Variants in PLIN4 observed in about 807,000 individuals in gnomAD.
PLIN4 encodes the protein perilipin 4.
In PLIN4, 57 loss-of-function variants were observed where a neutral mutation model predicts 52.4. The observed-to-expected ratio is 1.09, with a 90% CI of 0.88 to 1.36. PLIN4 has a LOEUF of 1.36. Among genes scored for constraint, PLIN4 ranks in the 40% most tolerant of loss-of-function variants. PLIN4 has a pLI of 0.00. For synonymous variants in PLIN4, 826 were observed against 785.4 expected, an observed-to-expected ratio of 1.05 and a Z score of -0.86; for missense variants, 1,757 against 1,770.3, an observed-to-expected ratio of 0.99 and a Z score of 0.13.
chr19:4,510,364 TCAAAAAAAAAAA>T (rs1976252129), intron 5 of PLIN4, 70 bp downstream of exon 5: 2 of 1,156,522 alleles, frequency 1.7e-6, no homozygotes, highest in Non-Finnish European at 2.2e-6. Context: ...CGACTCTGTC[TCAAAAAAAAAAA>T]CAAAACAGTC....
rs1239111742 is a variant in PLIN4, at chr19:4,508,727, A to C, written c.3702+41T>G. On this transcript the variant is annotated intron_variant, in intron 6 of 7. Coordinates refer to ENST00000301286, the MANE Select transcript of PLIN4 (RefSeq NM_001367868.2). ...TGAGTCCTGGGCAGGGGTTCTAAGA[A>C]GTGCCCTGGGGACGGGGCAGCAGCA... is the stretch of plus-strand genomic sequence containing the variant. The C allele has an allele frequency of 2.0e-6, 3 of 1,530,990 alleles. No homozygotes were observed. The Admixed American group carries it at 6.1e-5, about 31-fold the overall frequency. The allele number at this position is 1,530,990 out of a possible 1,614,324, so 94.8% of individuals were successfully genotyped here.
Position 4,502,387 on chromosome 19 carries a change from AGCTGGGCGGGAGC to A in PLIN4, c.*2059_*2071del, listed in dbSNP as rs1228000014. ...AACCCTGAAAGGCCAGTGGCAGGAG[AGCTGGGCGGGAGC>A]AAGCTCTTCCCAGGAGACAAGAGGG... On this transcript the variant is annotated 3_prime_UTR_variant, in exon 8 of 8. Coordinates refer to ENST00000301286, the MANE Select transcript of PLIN4 (RefSeq NM_001367868.2). The A allele has an allele frequency of 5.7e-6, 2 of 352,908 alleles. No individual in the cohort carries two copies. Among genetic ancestry groups the A allele is most frequent in the African/African-American group, 2.2e-5 (1 of 45,744 alleles). The allele number at this position is 352,908 out of a possible 1,614,324, so 21.9% of individuals were successfully genotyped here. A position where few individuals can be genotyped will look rare whatever the true frequency, so the allele number is the denominator to read the frequency against.
intron 3 of PLIN4, among the ~76,000 whole-genome samples, chr19:4,517,329 G>A (rs1216269868): frequency 2.7e-5 from 4 of 149,162 alleles, no homozygotes; most frequent in African/African-American, 9.9e-5. Flanking sequence ...GAGTGGGGGG[G>A]CATTGCAGGG....
At chr19:4,516,457 C>T (rs1195598196) in intron 4 of PLIN4, among the ~76,000 whole-genome samples, 160 bp downstream of exon 4, 1 of 152,186 alleles carries the variant, frequency 6.6e-6, no homozygotes, top group African/African-American at 2.4e-5. Flanking sequence ...GATCCCCAGG[C>T]TGTCTGCCTT....
In PLIN4 at chr19:4,503,056, C is replaced by T. The variant is rs1234585086; in HGVS notation, c.*1403G>A. On this transcript the variant is annotated 3_prime_UTR_variant, in exon 8 of 8. Transcript: ENST00000301286. Reference sequence around the variant, plus strand: ...AGGCTTGGGAAGGCTCCTGACCCGTCCCCTCTCACGGCCCGTCACCTGAGG... The same window carrying T: ...AGGCTTGGGAAGGCTCCTGACCCGTTCCCTCTCACGGCCCGTCACCTGAGG... 2 of 152,222 alleles carry T rather than the reference C, an allele frequency of 1.3e-5. No individual in the cohort carries two copies. Among genetic ancestry groups the T allele is most frequent in the Non-Finnish European group, 2.9e-5 (2 of 68,078 alleles). 9.4% of individuals were successfully genotyped at this position (152,222 alleles called of 1,614,324 possible). A position where few individuals can be genotyped will look rare whatever the true frequency, so the allele number is the denominator to read the frequency against.
In PLIN4 at chr19:4,504,674, G is replaced by T; in HGVS notation, c.3901C>A (p.Pro1301Thr). Residue 1301 changes from proline to threonine, a missense_variant, in exon 8 of 8, where the codon CCA (proline) becomes ACA (threonine). Coordinates refer to ENST00000301286, the MANE Select transcript of PLIN4 (RefSeq NM_001367868.2). ...LQGLPAELQQ[P>T]VGRARHSLCE... ...AGGCTGTGCCGCGCCCGCCCCACTG[G>T]CTGCTGGAGCTCGGCGGGCAGGCCC... 6.2e-7 allele frequency: 1 copy of T among 1,602,730 alleles called. No individual in the cohort carries two copies. The highest frequency in any genetic ancestry group is 1.7e-5 in the Admixed American group (1 of 59,530).
chr19:4,506,776 CT>C (rs1199842715), intron 6 of PLIN4, among the ~76,000 whole-genome samples: 2 of 152,276 alleles, frequency 1.3e-5, no homozygotes. Context: ...TGATCAGCCG[CT>C]TGCAGCGTGC....
Position 4,510,690 on chromosome 19 carries a change from A to G in PLIN4, c.3270T>C (p.Ser1090=), listed in dbSNP as rs1282476548. The G allele has an allele frequency of 6.6e-7, 1 of 1,521,420 alleles. No homozygotes were observed. Among genetic ancestry groups the G allele is most frequent in the Admixed American group, 2.2e-5 (1 of 45,930 alleles). The allele number at this position is 1,521,420 out of a possible 1,614,324, so 94.2% of individuals were successfully genotyped here. The part of the protein sequence containing the change: ...TALSPQEAPF[S]GISTPPDVLS... The stretch of plus-strand genomic sequence containing the variant: ...GCACATCCGGGGGCGTGGAGATGCC[A>G]GAGAACGGGGCCTCTTGGGGGCTCA... Residue 1090 remains serine, a synonymous_variant, in exon 5 of 8, where the codon TCT becomes TCC. Coordinates refer to ENST00000301286, the MANE Select transcript of PLIN4 (RefSeq NM_001367868.2).
At chr19:4,516,540 C>T (rs1324488684) in intron 4 of PLIN4, 77 bp downstream of exon 4, 2 of 1,494,984 alleles carry the variant, frequency 1.3e-6, no homozygotes, top group South Asian at 1.2e-5. Flanking sequence ...CCCCAGATAG[C>T]AGGAACTGAA....
intron 5 of PLIN4, 80 bp from the exon 6 acceptor site, chr19:4,509,035 C>T (rs548353357): frequency 4.5e-5 from 63 of 1,389,954 alleles, no homozygotes; most frequent in Admixed American, 3.7e-4. Context: ...GAGGGCCGGG[C>T]GCGGCGGTTC....
chr19:4,512,462 C>A lies in PLIN4; in HGVS notation c.1498G>T (p.Asp500Tyr). The A allele has an allele frequency of 6.2e-7, 1 of 1,610,918 alleles. No homozygotes were observed. Among genetic ancestry groups the A allele is most frequent in the South Asian group, 1.1e-5 (1 of 90,768 alleles). ...CCTGTGAGCCCAGTGGACACAGCATCTTTAGTGCCAGTCAGGACAGACTTT... is the reference window on the plus strand; with the variant it reads ...CCTGTGAGCCCAGTGGACACAGCATATTTAGTGCCAGTCAGGACAGACTTT... ...TTKSVLTGTKDAVSTGLTGAV... is the reference protein window; with the variant it reads ...TTKSVLTGTKYAVSTGLTGAV... Residue 500 changes from aspartate (D) to tyrosine (Y), a missense_variant, in exon 5 of 8, where the codon GAT (aspartate) becomes TAT (tyrosine). Asp to Tyr is a radical substitution (Grantham distance 160). Transcript: ENST00000301286.
chr19:4,504,974 G>C, intron 6 of PLIN4, 27 bp from the exon 7 acceptor site: 3 of 1,574,432 alleles, frequency 1.9e-6, no homozygotes, highest in Non-Finnish European at 2.6e-6. Flanking sequence ...GTGGGGAAAT[G>C]ATGGCTTCTT....
chr19:4,514,651 C>T (rs375975330), intron 4 of PLIN4, among the ~76,000 whole-genome samples: 9 of 151,642 alleles, frequency 5.9e-5, no homozygotes, highest in Admixed American at 1.3e-4. Flanking sequence ...GGCATGAACC[C>T]GGGAAGGCGG....
At chr19:4,514,871 C>A (rs996432635) in intron 4 of PLIN4, among the ~76,000 whole-genome samples, 1 of 150,222 alleles carries the variant, frequency 6.7e-6, no homozygotes, top group Non-Finnish European at 1.5e-5. Context: ...AACGGTGAGA[C>A]CCCATCTTTA....
rs1568232899 is a variant in PLIN4 at position 4,512,081 on chromosome 19, G to A, written c.1879C>T (p.Leu627=). The part of the protein sequence containing the change: ...QTGMDTTKTV[L]TGTKDTIYSG... ...TAGATGGTGTCCTTGGTACCGGTTA[G>A]GACAGTTTTGGTGGTGTCCATGCCT... The change falls in exon 5 of 8, where the codon CTA becomes TTA. Residue 627 remains leucine (L), a synonymous_variant. Coordinates refer to ENST00000301286, the MANE Select transcript of PLIN4 (RefSeq NM_001367868.2). 6.2e-7 allele frequency: 1 copy of A among 1,609,036 alleles called. No homozygotes were observed. The highest frequency in any genetic ancestry group is 2.2e-5 in the East Asian group (1 of 44,772).
In PLIN4 at chr19:4,504,924, T is replaced by G; in HGVS notation, c.3726A>C (p.Pro1242=). Residue 1242 remains proline (P), a synonymous_variant, in exon 7 of 8, where the codon CCA becomes CCC. Coordinates refer to ENST00000301286, the MANE Select transcript of PLIN4 (RefSeq NM_001367868.2). ...CCTGGTCCAGACGTGGCTGCCCTTC[T>G]GGAGCCTGCTGGGCCTTTTCAATCT... ...FRLIEKAQQA[P]EGQPRLDQGS... 6.2e-7 allele frequency: 1 copy of G among 1,606,200 alleles called. No individual in the cohort carries two copies. The highest frequency in any genetic ancestry group is 8.5e-7 in the Non-Finnish European group (1 of 1,177,250).
intron 6 of PLIN4, among the ~76,000 whole-genome samples, chr19:4,508,170 C>A (rs915468822): frequency 1.3e-5 from 2 of 152,216 alleles, no homozygotes; most frequent in African/African-American, 4.8e-5. Context: ...GTCTCCCCAT[C>A]GGTCAGGACA....
chr19:4,510,838 G>A lies in PLIN4; in HGVS notation c.3122C>T (p.Ala1041Val), dbSNP rs145519622. Residue 1041 changes from alanine to valine, a missense_variant, in exon 5 of 8, where the codon GCG becomes GTG. Ala to Val is a moderately conservative substitution (Grantham distance 64). Transcript: ENST00000301286. Reference protein sequence around the residue: ...SAGLMGSGNVATGATHTGLST... With the variant: ...SAGLMGSGNVVTGATHTGLST... ...GAGGCCAGTGTGGGTGGCCCCTGTC[G>A]CCACGTTCCCTGACCCCATGAGCCC... The A allele has an allele frequency of 0.011, 17,005 of 1,612,064 alleles. 139 individuals are homozygous for A. Among genetic ancestry groups the A allele is most frequent in the African/African-American group, 0.03 (2,284 of 74,970 alleles).
Position 4,511,720 on chromosome 19 carries a change from GC to G in PLIN4, c.2239del (p.Ala747ProfsTer13). 1.7e-6 allele frequency: 2 copies of G among 1,181,548 alleles called. No homozygotes were observed. Among genetic ancestry groups the G allele is most frequent in the Non-Finnish European group, 2.4e-6 (2 of 850,338 alleles). The allele number at this position is 1,181,548 out of a possible 1,614,324, so 73.2% of individuals were successfully genotyped here. A position where few individuals can be genotyped will look rare whatever the true frequency, so the allele number is the denominator to read the frequency against. ...TGTAGTGTCCAGGCCCCCTTGGATG[GC>G]CCCTTTGGCCACATTCGCAGCACCG... ...VTGAANVAKG[A>X]IQGGLDTTKS... On this transcript the variant is annotated frameshift_variant, in exon 5 of 8. Transcript: ENST00000301286. LOFTEE classifies it high-confidence loss of function.
Sources: gnomAD v4.1 joint callset for allele counts (sites outside exome capture counted in the v4.1 genomes callset) on GRCh38, gnomAD v4.1.1 for gene constraint, MANE v1.5 for transcripts, NCBI Gene and HGNC (gene_info 2026-07-23, HGNC 2026-07-21) for gene names.